The following TPR variants were observed in gnomAD, a reference collection of about 807,000 sequenced individuals.
The protein encoded by TPR is nucleoprotein TPR.
A neutral mutation model predicts 316.1 loss-of-function variants in TPR; 51 were observed. The observed-to-expected ratio is 0.16, with a 90% CI of 0.13 to 0.20. The LOEUF (loss-of-function observed/expected upper bound fraction) is 0.20. Among genes scored for constraint, TPR ranks in the 10% least tolerant of loss-of-function variants. TPR has a pLI of 1.00. For missense variants in TPR, 2,272 were observed against 2,754.8 expected (o/e 0.82, Z 3.92); for synonymous variants, 981 against 914.7 (o/e 1.07, Z -1.31).
intron 18 of TPR, among the ~76,000 whole-genome samples, chr1:186,353,229 A>G (rs931020413): frequency 2.0e-5 from 3 of 151,996 alleles, no homozygotes; most frequent in Non-Finnish European, 2.9e-5. Context: ...AACATTAGCC[A>G]GGTGTGGTGG....
chr1:186,353,354 AGAGT>A (rs1359844036), intron 18 of TPR, among the ~76,000 whole-genome samples: 1 of 150,968 alleles, frequency 6.6e-6, no homozygotes, highest in African/African-American at 2.4e-5. Context: ...CCTGGGCGAC[AGAGT>A]GAGACTCTGT....
chr1:186,350,655 C>CAG (rs954146206), intron 20 of TPR, among the ~76,000 whole-genome samples: 3 of 152,138 alleles, frequency 2.0e-5, no homozygotes, highest in African/African-American at 7.2e-5. Flanking sequence ...GGAAATGAGG[C>CAG]AGAGCCCAGG....
At chr1:186,334,765 A>G (rs947720253) in intron 35 of TPR, among the ~76,000 whole-genome samples, 5 of 152,160 alleles carry the variant, frequency 3.3e-5, no homozygotes, top group African/African-American at 1.2e-4. Flanking sequence ...GTCTCAGCCC[A>G]GCATTTTCTA....
chr1:186,360,639 T>C, intron 10 of TPR, 126 bp downstream of exon 10: 1 of 1,265,246 alleles, frequency 7.9e-7, no homozygotes, highest in Non-Finnish European at 1.1e-6. Flanking sequence ...CAAATTCTAT[T>C]AATATAACTC....
At chr1:186,365,467 T>A (rs1179703753) in intron 4 of TPR, among the ~76,000 whole-genome samples, 1 of 152,124 alleles carries the variant, frequency 6.6e-6, no homozygotes, top group Non-Finnish European at 1.5e-5. Flanking sequence ...GAGTTCAACA[T>A]GGAAGGTGTC....
At chr1:186,341,229 C>G (rs376033261) in intron 28 of TPR, 23 bp downstream of exon 28, 1 of 1,613,248 alleles carries the variant, frequency 6.2e-7, no homozygotes, top group Non-Finnish European at 8.5e-7. Context: ...CATGCTTCCA[C>G]TCTTGATAAC....
At chr1:186,317,454 T>C (rs1475111581) in intron 49 of TPR, 28 bp downstream of exon 49, 3 of 1,557,256 alleles carry the variant, frequency 1.9e-6, no homozygotes, top group African/African-American at 1.4e-5. Flanking sequence ...GTATAAAAAC[T>C]GTATTGCAGT....
At chr1:186,361,534 TA>T in intron 9 of TPR, 87 bp downstream of exon 9, 2 of 1,335,710 alleles carry the variant, frequency 1.5e-6, no homozygotes, top group Non-Finnish European at 2.1e-6. Flanking sequence ...GTCTAACACC[TA>T]AATCCAATCA....
intron 19 of TPR, 112 bp downstream of exon 19, chr1:186,351,864 A>G: frequency 8.1e-7 from 1 of 1,237,894 alleles, no homozygotes. Context: ...AATGATCATA[A>G]TGGATGACAA....
rs1204821368 is a variant in TPR, at chr1:186,327,226, TA to T, written c.5889+233del. ...TATATATATAATATATATAAATATATAATATATATTTATATATATAATATAT... is the reference window on the plus strand; with the variant it reads ...TATATATATAATATATATAAATATATATATATATTTATATATATAATATAT... On this transcript the variant is annotated intron_variant, in intron 40 of 50. Coordinates refer to ENST00000367478, the MANE Select transcript of TPR (RefSeq NM_003292.3). 6.3e-5 allele frequency among the ~76,000 whole-genome samples: 2 copies of T among 31,522 alleles called. 1 individual carries two copies. Among genetic ancestry groups the T allele is most frequent in the African/African-American group, 2.3e-4 (2 of 8,624 alleles). The allele number at this position is 31,522 out of a possible 152,430, so 20.7% of individuals were successfully genotyped here.
intron 17 of TPR, among the ~76,000 whole-genome samples, chr1:186,354,863 A>G (rs1289078782): frequency 2.0e-5 from 3 of 152,034 alleles, no homozygotes; most frequent in Non-Finnish European, 4.4e-5. Context: ...TTAGGAAGGT[A>G]AACTACCAAC....
chr1:186,344,460 T>C lies in TPR; in HGVS notation c.3332A>G (p.Gln1111Arg), dbSNP rs191206815. 5.6e-6 allele frequency: 9 copies of C among 1,613,964 alleles called. No homozygotes were observed. In the East Asian group the frequency reaches 2.0e-4, roughly 36 times the overall value. The change falls in exon 25 of 51, where the codon CAG becomes CGG. Residue 1111 changes from glutamine (Q) to arginine (R), a missense_variant. This residue lies in a region of TPR where 757 missense variants were observed against 859.8 expected (regional missense o/e 0.88). Transcript: ENST00000367478. ...EQVSKMASVR[Q>R]HLEETTQKAE... ...TTTCTGTGTTGTTTCTTCCAAATGC[T>C]GACGGACTGATGCCATTTTTGAAAC... is the stretch of plus-strand genomic sequence containing the variant.
In TPR at chr1:186,344,008, C is replaced by G. The variant is rs138115705; in HGVS notation, c.3500G>C (p.Ser1167Thr). The change falls in exon 26 of 51, where the codon AGT becomes ACT. Residue 1167 changes from serine (S) to threonine (T), a missense_variant. Transcript: ENST00000367478. ...CTTCACAGAGGCAACGACCTTGTCACTTAATTTTTCGATCTGATCATGAAG... is the reference window on the plus strand; with the variant it reads ...CTTCACAGAGGCAACGACCTTGTCAGTTAATTTTTCGATCTGATCATGAAG... Reference protein sequence around the residue: ...RLLHDQIEKLSDKVVASVKEG... With the variant: ...RLLHDQIEKLTDKVVASVKEG... The G allele has an allele frequency of 6.2e-7, 1 of 1,614,152 alleles. No homozygotes were observed. The highest frequency in any genetic ancestry group is 2.2e-5 in the East Asian group (1 of 44,874).
rs771021621 is a variant in TPR, at chr1:186,344,494, T to C, written c.3298A>G (p.Lys1100Glu). 1 of 1,613,908 alleles carries C rather than the reference T, an allele frequency of 6.2e-7. No homozygotes were observed. The highest frequency in any genetic ancestry group is 2.2e-5 in the East Asian group (1 of 44,876). The change falls in exon 25 of 51, where the codon AAG becomes GAG. Residue 1100 changes from lysine (K) to glutamate (E), a missense_variant. Lys to Glu is a moderately conservative substitution (Grantham distance 56). This residue lies in a region of TPR where 757 missense variants were observed against 859.8 expected (regional missense o/e 0.88). Transcript: ENST00000367478. ...GATGCCATTTTTGAAACCTGCTCCT[T>C]CGCAGCTTGTAGAGCTTCAACATCA... Reference protein sequence around the residue: ...AADVEALQAAKEQVSKMASVR... With the variant: ...AADVEALQAAEEQVSKMASVR...
chr1:186,357,588 C>G lies in TPR; in HGVS notation c.1533G>C (p.Arg511Ser). The G allele has an allele frequency of 6.2e-7, 1 of 1,613,800 alleles. No homozygotes were observed. Among genetic ancestry groups the G allele is most frequent in the Non-Finnish European group, 8.5e-7 (1 of 1,179,978 alleles). ...RVLLMELEEARGNHVIRDEEV... is the reference protein window; with the variant it reads ...RVLLMELEEASGNHVIRDEEV... ...CCTCATCACGAATTACGTGGTTACC[C>G]CTTGCTTCTTCAAGTTCCATCAAAA... The change falls in exon 14 of 51, where the codon AGG becomes AGC. Residue 511 changes from arginine to serine, a missense_variant. Arg to Ser is a moderately radical substitution (Grantham distance 110). Coordinates refer to ENST00000367478, the MANE Select transcript of TPR (RefSeq NM_003292.3).
rs1221004006 is a variant in TPR, at chr1:186,313,955, A to G, written c.*16T>C. On this transcript the variant is annotated 3_prime_UTR_variant, in exon 51 of 51. Transcript: ENST00000367478. The stretch of plus-strand genomic sequence containing the variant: ...TTTGATAATCTTATTCACAGTTGTT[A>G]TTGTTTACAGACCATTTAATTAATA... 6.2e-7 allele frequency: 1 copy of G among 1,610,006 alleles called. No individual in the cohort carries two copies. The highest frequency in any genetic ancestry group is 1.7e-4 in the Middle Eastern group (1 of 6,048).
chr1:186,328,215 A>G (rs1448177659), intron 39 of TPR, among the ~76,000 whole-genome samples: 1 of 151,398 alleles, frequency 6.6e-6, no homozygotes, highest in Non-Finnish European at 1.5e-5. Context: ...GAAAAAGAGA[A>G]AAAAATATAA....
At chr1:186,356,015 CAT>C (rs1174141649) in intron 15 of TPR, among the ~76,000 whole-genome samples, 2 of 152,052 alleles carry the variant, frequency 1.3e-5, no homozygotes, top group Non-Finnish European at 2.9e-5. Context: ...TTTATTAAAA[CAT>C]ATCTGTTTTG....
chr1:186,357,191 G>C (rs1659053959), intron 14 of TPR, among the ~76,000 whole-genome samples: 1 of 152,038 alleles, frequency 6.6e-6, no homozygotes, highest in Admixed American at 6.6e-5. Flanking sequence ...TGGGACTATA[G>C]ACATGTGCCA....
Sources: allele counts gnomAD v4.1 joint callset (sites outside exome capture counted in the v4.1 genomes callset), GRCh38; gene constraint gnomAD v4.1.1; regional missense constraint gnomAD v4.1.1; transcripts MANE v1.5; gene names NCBI Gene and HGNC (gene_info 2026-07-23, HGNC 2026-07-21).